Variants in PTPRD observed in about 807,000 individuals in gnomAD.
The protein encoded by PTPRD is protein tyrosine phosphatase receptor type D, also known as receptor-type tyrosine-protein phosphatase delta.
Under a neutral mutation model 214.5 loss-of-function variants are expected in PTPRD, and 34 were observed. That is an observed-to-expected ratio of 0.16 (90% CI 0.12 to 0.21). The LOEUF (loss-of-function observed/expected upper bound fraction) is 0.21. PTPRD is among the 10% of genes least tolerant of loss of function. The pLI, the probability that PTPRD is intolerant of heterozygous loss-of-function variation, is 1.00. For missense variants in PTPRD, 2,545 were observed against 2,398.7 expected (o/e 1.06, Z -1.27); for synonymous variants, 1,128 against 845.7 (o/e 1.33, Z -5.79).
At chr9:10,510,711 A>G (rs757462330) in intron 2 of PTPRD, among the ~76,000 whole-genome samples, 2 of 152,134 alleles carry the variant, frequency 1.3e-5, no homozygotes, top group Non-Finnish European at 2.9e-5. Context: ...TTGTGTTGGA[A>G]ACATTCCAAA....
At chr9:9,152,223 C>T (rs1040884679) in intron 10 of PTPRD, among the ~76,000 whole-genome samples, 6 of 152,138 alleles carry the variant, frequency 3.9e-5, no homozygotes, top group African/African-American at 1.2e-4. Context: ...CAAATCAGAG[C>T]CATGGCATTT....
At chr9:10,467,580 G>A (rs539778323) in intron 2 of PTPRD, among the ~76,000 whole-genome samples, 8 of 152,096 alleles carry the variant, frequency 5.3e-5, no homozygotes, top group African/African-American at 1.7e-4. Flanking sequence ...ATATATAAAC[G>A]TGTGTGTACA....
At chr9:9,504,284 T>A (rs2096517559) in intron 8 of PTPRD, among the ~76,000 whole-genome samples, 1 of 151,732 alleles carries the variant, frequency 6.6e-6, no homozygotes, top group African/African-American at 2.4e-5. Flanking sequence ...CTGTTTTATA[T>A]GTCTTTACCC....
chr9:10,455,288 T>C (rs150957056), intron 2 of PTPRD, among the ~76,000 whole-genome samples: 1 of 151,814 alleles, frequency 6.6e-6, no homozygotes, highest in Non-Finnish European at 1.5e-5. Flanking sequence ...ATTTCTCTGC[T>C]TTCAGTTACT....
chr9:8,782,960 A>G (rs1402896879), intron 11 of PTPRD, among the ~76,000 whole-genome samples: 1 of 152,116 alleles, frequency 6.6e-6, no homozygotes, highest in African/African-American at 2.4e-5. Context: ...ATAGGTAAGC[A>G]GTGATGTTTT....
chr9:10,098,955 C>A (rs2098523598), intron 3 of PTPRD, among the ~76,000 whole-genome samples: 1 of 151,710 alleles, frequency 6.6e-6, no homozygotes, highest in South Asian at 2.1e-4. Flanking sequence ...AATAGAATTT[C>A]ATAGACAGCA....
intron 3 of PTPRD, among the ~76,000 whole-genome samples, chr9:10,193,318 C>A (rs1166297421): frequency 6.6e-6 from 1 of 151,692 alleles, no homozygotes; most frequent in African/African-American, 2.4e-5. Flanking sequence ...GAAAAAAATT[C>A]TACTCAGACA....
At chr9:9,230,167 G>A (rs187288415) in intron 9 of PTPRD, among the ~76,000 whole-genome samples, 1 of 152,190 alleles carries the variant, frequency 6.6e-6, no homozygotes, top group East Asian at 1.9e-4. Context: ...TTATGCTAAT[G>A]AGACAATGGG....
At chr9:10,221,936 T>C (rs1243345130) in intron 3 of PTPRD, among the ~76,000 whole-genome samples, 1 of 151,970 alleles carries the variant, frequency 6.6e-6, no homozygotes, top group East Asian at 1.9e-4. Flanking sequence ...ACAAATCTTA[T>C]AACAAACACA....
chr9:8,616,594 T>C (rs991507664), intron 14 of PTPRD, among the ~76,000 whole-genome samples: 4 of 152,130 alleles, frequency 2.6e-5, no homozygotes, highest in Admixed American at 1.3e-4. Context: ...TGATGACAAA[T>C]GTGAGAAACA....
At chr9:10,216,305 G>A (rs550705631) in intron 3 of PTPRD, among the ~76,000 whole-genome samples, 8 of 151,848 alleles carry the variant, frequency 5.3e-5, no homozygotes, top group South Asian at 2.1e-4. Context: ...GTAGAAGGAC[G>A]GAAGGGGTTA....
chr9:10,047,454 T>C (rs985449880), intron 3 of PTPRD, among the ~76,000 whole-genome samples: 4 of 151,904 alleles, frequency 2.6e-5, no homozygotes, highest in South Asian at 4.1e-4. Context: ...ATTTTATTAG[T>C]TTGAATAAAT....
chr9:9,171,213 T>C (rs562459388), intron 10 of PTPRD, among the ~76,000 whole-genome samples: 1 of 152,234 alleles, frequency 6.6e-6, no homozygotes, highest in Admixed American at 6.5e-5. Flanking sequence ...AAATGGGGCA[T>C]TGAGAGGTTA....
intron 2 of PTPRD, among the ~76,000 whole-genome samples, chr9:10,397,540 C>T (rs552672498): frequency 1.3e-5 from 2 of 152,106 alleles, no homozygotes; most frequent in South Asian, 2.1e-4. Context: ...TATAGTCATG[C>T]ACTGACAACA....
intron 12 of PTPRD, among the ~76,000 whole-genome samples, chr9:8,721,937 A>G (rs972489199): frequency 6.6e-6 from 1 of 152,238 alleles, no homozygotes; most frequent in East Asian, 1.9e-4. Flanking sequence ...TTTCACAAGC[A>G]ACATCAGTGG....
At chr9:8,476,468 T>C (rs1401755410) in intron 30 of PTPRD, among the ~76,000 whole-genome samples, 1 of 152,156 alleles carries the variant, frequency 6.6e-6, no homozygotes, top group East Asian at 1.9e-4. Flanking sequence ...GTCCATTCTG[T>C]CATTAAACTA....
At chr9:10,443,114 G>A (rs1484343931) in intron 2 of PTPRD, among the ~76,000 whole-genome samples, 2 of 150,572 alleles carry the variant, frequency 1.3e-5, no homozygotes, top group Non-Finnish European at 1.5e-5. Context: ...GGCCTGGATG[G>A]TGTTTGTGTT....
chr9:10,401,043 C>T (rs576834178), intron 2 of PTPRD, among the ~76,000 whole-genome samples: 217 of 151,580 alleles, frequency 1.4e-3, no homozygotes, highest in Non-Finnish European at 2.7e-3. Flanking sequence ...TTCTCATAGG[C>T]CTAGATGTTT....
chr9:9,830,698 A>T lies in PTPRD; in HGVS notation c.-367-63847T>A, dbSNP rs1272863366. ...AGACTGGCACAAATAAATCAGGACA[A>T]TATAATATTGAAAGACTGGCAGTGA... is the stretch of plus-strand genomic sequence containing the variant. On this transcript the variant is annotated intron_variant, in intron 5 of 45. Coordinates refer to ENST00000381196, the MANE Select transcript of PTPRD (RefSeq NM_002839.4). 4.0e-5 allele frequency among the ~76,000 whole-genome samples: 6 copies of T among 151,878 alleles called. No individual in the cohort carries two copies. The East Asian group carries it at 1.2e-3, about 29-fold the overall frequency.
Sources: gnomAD v4.1 joint callset for allele counts (sites outside exome capture counted in the v4.1 genomes callset) on GRCh38, gnomAD v4.1.1 for gene constraint, MANE v1.5 for transcripts, NCBI Gene and HGNC (gene_info 2026-07-23, HGNC 2026-07-21) for gene names.